Variants in PPP6R1 observed in about 807,000 individuals in gnomAD.
PPP6R1 encodes the protein protein phosphatase 6 regulatory subunit 1.
Under a neutral mutation model 104.6 loss-of-function variants are expected in PPP6R1, and 39 were observed. The observed-to-expected ratio is 0.37, with a 90% CI of 0.29 to 0.49. The LOEUF is 0.49. Among genes scored for constraint, PPP6R1 ranks in the 20% least tolerant of loss-of-function variants. The pLI is 0.98. For missense variants in PPP6R1, 1,181 were observed against 1,155.8 expected, an observed-to-expected ratio of 1.02 and a Z score of -0.32; for synonymous variants, 549 against 479.0, an observed-to-expected ratio of 1.15 and a Z score of -1.91.
Position 55,230,366 on chromosome 19 carries a change from G to T in PPP6R1, c.*162C>A. 3 of 1,059,022 alleles carry T rather than the reference G, an allele frequency of 2.8e-6. No homozygotes were observed. The highest frequency in any genetic ancestry group is 2.7e-6 in the Non-Finnish European group (2 of 730,434). 65.6% of individuals were successfully genotyped at this position (1,059,022 alleles called of 1,614,324 possible). ...TCTCAGTGCAAATGGGGGTGGGTTG[G>T]GCCTGTCTCCCTGGCACCAGCCTCC... On this transcript the variant is annotated 3_prime_UTR_variant, in exon 24 of 24. Transcript: ENST00000412770.
chr19:55,241,646 C>T lies in PPP6R1; in HGVS notation c.846-7G>A. The T allele has an allele frequency of 1.3e-6, 2 of 1,567,332 alleles. No homozygotes were observed. Among genetic ancestry groups the T allele is most frequent in the Non-Finnish European group, 1.7e-6 (2 of 1,157,510 alleles). Reference sequence around the variant, plus strand: ...CACGGTCACGGACTCGGACCTGCAGCAGGGCAGGGTCGAAGGCGGAGTGAG... The same window carrying T: ...CACGGTCACGGACTCGGACCTGCAGTAGGGCAGGGTCGAAGGCGGAGTGAG... On this transcript the variant is annotated splice_region_variant and splice_polypyrimidine_tract_variant and intron_variant, in intron 7 of 23. Transcript: ENST00000412770. The surrounding 1 kb of genome is among the most constrained non-coding windows in gnomAD (Gnocchi z 5.4).
At chr19:55,253,481 C>T (rs1470972042) in intron 1 of PPP6R1, among the ~76,000 whole-genome samples, 1 of 152,210 alleles carries the variant, frequency 6.6e-6, no homozygotes, top group Non-Finnish European at 1.5e-5. Flanking sequence ...CCCCAGACAA[C>T]TGGGGCAGGG....
Position 55,236,722 on chromosome 19 carries a change from C to T in PPP6R1, c.1909G>A (p.Glu637Lys), listed in dbSNP as rs1231820916. Residue 637 changes from glutamate (E) to lysine (K), a missense_variant, in exon 17 of 24, where the codon GAG becomes AAG. Transcript: ENST00000412770. ...EDEEEAQGSGESDGEDGAWQG... is the reference protein window; with the variant it reads ...EDEEEAQGSGKSDGEDGAWQG... ...CAGGCGCCATCTTCTCCATCAGACT[C>T]CCCTGAGCCCTGGGCCTCTTCCTCG... 2 of 1,613,516 alleles carry T rather than the reference C, an allele frequency of 1.2e-6. No individual in the cohort carries two copies. The highest frequency in any genetic ancestry group is 2.7e-5 in the African/African-American group (2 of 74,936).
intron 1 of PPP6R1, among the ~76,000 whole-genome samples, chr19:55,251,025 G>A (rs1194891575): frequency 2.0e-5 from 3 of 152,126 alleles, no homozygotes; most frequent in Non-Finnish European, 4.4e-5. Context: ...CTACCCCAGC[G>A]ACTTTGTCCT....
chr19:55,258,374 G>A (rs1458463252), intron 1 of PPP6R1, 61 bp downstream of exon 1: 1 of 152,216 alleles, frequency 6.6e-6, no homozygotes, highest in Admixed American at 6.5e-5. Context: ...GGGACGCGGA[G>A]AGGGGAAGAC....
chr19:55,231,547 G>T (rs981490601), intron 20 of PPP6R1, 51 bp downstream of exon 20: 2 of 1,599,392 alleles, frequency 1.3e-6, no homozygotes, highest in Admixed American at 1.7e-5. Context: ...AGCTGGCCAG[G>T]CTGCTCTCTC....
At chr19:55,258,331 AC>A (rs2087611004) in intron 1 of PPP6R1, 103 bp downstream of exon 1, 1 of 152,264 alleles carries the variant, frequency 6.6e-6, no homozygotes, top group Non-Finnish European at 1.5e-5. Flanking sequence ...AGCAGAAAAG[AC>A]CCGCGGGGGT....
downstream of PPP6R1, chr19:55,228,419 A>C (rs1600100134): frequency 6.2e-7 from 1 of 1,612,746 alleles, no homozygotes; most frequent in Non-Finnish European, 8.5e-7. Flanking sequence ...GGGCTCAGCC[A>C]CCTGCAGACA....
chr19:55,232,034 A>G, intron 18 of PPP6R1, 41 bp downstream of exon 18: 1 of 1,611,052 alleles, frequency 6.2e-7, no homozygotes, highest in Non-Finnish European at 8.5e-7. Context: ...TAGCAGGCAG[A>G]CAGCCCTGTG....
At chr19:55,232,014 G>A in intron 18 of PPP6R1, 32 bp from the exon 19 acceptor site, 1 of 1,609,192 alleles carries the variant, frequency 6.2e-7, no homozygotes, top group Non-Finnish European at 8.5e-7. Context: ...GGGATGGAGG[G>A]TGAACTCAGT....
At position 55,240,742 on chromosome 19, in the gene PPP6R1, G is replaced by A. The variant is rs1020840880; in HGVS notation, c.1296+203C>T. ...GCCCACCCCTAGCTCTTCAGCTCAA[G>A]TCAGGAGCCCACTGCTCCCTGCACC... On this transcript the variant is annotated intron_variant, in intron 10 of 23. Coordinates refer to ENST00000412770, the MANE Select transcript of PPP6R1 (RefSeq NM_014931.4). 3.3e-5 allele frequency among the ~76,000 whole-genome samples: 5 copies of A among 152,286 alleles called. No individual in the cohort carries two copies. In the East Asian group the frequency reaches 9.7e-4, roughly 29 times the overall value.
chr19:55,257,734 A>G (rs2087604445), intron 1 of PPP6R1, among the ~76,000 whole-genome samples: 1 of 152,116 alleles, frequency 6.6e-6, no homozygotes, highest in African/African-American at 2.4e-5. Context: ...AGGAATTGTG[A>G]CTGTCCGGCT....
In PPP6R1 at chr19:55,236,701, C is replaced by T. The variant is rs200621055; in HGVS notation, c.1930G>A (p.Ala644Thr). ...GSGESDGEDG[A>T]WQGSQLARGA... ...CTGGCCAGCTGGCTGCCCTGCCAGG[C>T]GCCATCTTCTCCATCAGACTCCCCT... The change falls in exon 17 of 24, where the codon GCC (alanine) becomes ACC (threonine). Residue 644 changes from alanine to threonine, a missense_variant. Ala to Thr is a moderately conservative substitution (Grantham distance 58). Coordinates refer to ENST00000412770, the MANE Select transcript of PPP6R1 (RefSeq NM_014931.4). 197 of 1,611,428 alleles carry T rather than the reference C, an allele frequency of 1.2e-4. No homozygotes were observed. The African/African-American group carries it at 2.0e-3, about 16-fold the overall frequency.
chr19:55,247,552 G>A (rs924859733), intron 1 of PPP6R1, among the ~76,000 whole-genome samples: 2 of 152,234 alleles, frequency 1.3e-5, no homozygotes, highest in Non-Finnish European at 2.9e-5. Context: ...TTTTGGGAGA[G>A]ACACTGCAGA....
chr19:55,236,758 C>T lies in PPP6R1; in HGVS notation c.1873G>A (p.Glu625Lys). 3 of 1,614,028 alleles carry T rather than the reference C, an allele frequency of 1.9e-6. No individual in the cohort carries two copies. The highest frequency in any genetic ancestry group is 2.5e-6 in the Non-Finnish European group (3 of 1,179,880). The change falls in exon 17 of 24, where the codon GAA becomes AAA. Residue 625 changes from glutamate to lysine, a missense_variant. Glu to Lys is a moderately conservative substitution (Grantham distance 56, BLOSUM62 1). Around this residue, in one of 2 missense-constraint regions of PPP6R1, gnomAD observed 1,042 missense variants for 955.6 expected, o/e 1.09. Transcript: ENST00000412770. ...TGGGCCTCTTCCTCGTCCTCCTCTTCCTCATCATCATCAAACTGCTGGATG... is the reference window on the plus strand; with the variant it reads ...TGGGCCTCTTCCTCGTCCTCCTCTTTCTCATCATCATCAAACTGCTGGATG... Reference protein sequence around the residue: ...DRIQQFDDDEEEEDEEEAQGS... With the variant: ...DRIQQFDDDEKEEDEEEAQGS...
rs1267464637 is a variant in PPP6R1 at position 55,229,821 on chromosome 19, G to A, written c.*707C>T. On this transcript the variant is annotated 3_prime_UTR_variant, in exon 24 of 24. Coordinates refer to ENST00000412770, the MANE Select transcript of PPP6R1 (RefSeq NM_014931.4). Reference sequence around the variant, plus strand: ...TTATTTATATTTGCAATATGAAATAGAAGCTCGGCACAAACGCACGCACAC... The same window carrying A: ...TTATTTATATTTGCAATATGAAATAAAAGCTCGGCACAAACGCACGCACAC... 1 of 153,332 alleles carries A rather than the reference G, an allele frequency of 6.5e-6. No homozygotes were observed. Among genetic ancestry groups the A allele is most frequent in the Non-Finnish European group, 1.5e-5 (1 of 68,100 alleles). 9.5% of individuals were successfully genotyped at this position (153,332 alleles called of 1,614,324 possible).
In PPP6R1 at chr19:55,241,672, C is replaced by A; in HGVS notation, c.846-33G>T. 1 of 1,520,566 alleles carries A rather than the reference C, an allele frequency of 6.6e-7. No homozygotes were observed. The highest frequency in any genetic ancestry group is 2.4e-5 in the East Asian group (1 of 41,214). 94.2% of individuals were successfully genotyped at this position (1,520,566 alleles called of 1,614,324 possible). A position where few individuals can be genotyped will look rare whatever the true frequency, so the allele number is the denominator to read the frequency against. On this transcript the variant is annotated intron_variant, in intron 7 of 23. Transcript: ENST00000412770. The surrounding 1 kb of genome is among the most constrained non-coding windows in gnomAD (Gnocchi z 5.4). ...AGGGCAGGGTCGAAGGCGGAGTGAG[C>A]CTAGATGGCCTGTGCGCCCACACAG...
chr19:55,251,532 T>C (rs139880698), intron 1 of PPP6R1, among the ~76,000 whole-genome samples: 8 of 152,150 alleles, frequency 5.3e-5, no homozygotes, highest in Admixed American at 1.3e-4. Context: ...TGGGTGTGTA[T>C]TTTCCCCTGT....
In PPP6R1 at chr19:55,246,942, C is replaced by T; in HGVS notation, c.162G>A (p.Leu54=). Residue 54 remains leucine (L), a synonymous_variant, in exon 2 of 24, where the codon CTG becomes CTA. Transcript: ENST00000412770. ...GGGTGACCCAGGCCACCATTGCTTG[C>T]AGGTGGGGTGGCTGCAGCAGGAAGT... The part of the protein sequence containing the change: ...LLDFLLQPPH[L]QAMVAWVTQE... The T allele has an allele frequency of 1.2e-6, 2 of 1,613,764 alleles. No homozygotes were observed. Among genetic ancestry groups the T allele is most frequent in the Non-Finnish European group, 1.7e-6 (2 of 1,179,812 alleles).
Sources: gnomAD v4.1 joint callset for allele counts (sites outside exome capture counted in the v4.1 genomes callset) on GRCh38, gnomAD v4.1.1 for gene constraint, gnomAD v4.1.1 regional missense constraint, Gnocchi (gnomAD v3.1) non-coding constraint, MANE v1.5 for transcripts, NCBI Gene and HGNC (gene_info 2026-07-23, HGNC 2026-07-21) for gene names.